GPRC5C: variants seen among roughly 807,000 people sequenced by gnomAD.
GPRC5C encodes G protein-coupled receptor class C group 5 member C, also known as G protein-coupled receptor family C group 5 member C.
GPRC5C carries 22 observed loss-of-function variants against 31.4 expected under a neutral mutation model. The ratio of observed to expected loss-of-function variants is 0.70; its 90% CI spans 0.50 to 1.00. The LOEUF is 1.00. GPRC5C is among the 50% of genes least tolerant of loss of function. The pLI is 0.00. For missense variants in GPRC5C, 557 were observed against 597.2 expected, an observed-to-expected ratio of 0.93 and a Z score of 0.70; for synonymous variants, 249 against 257.5, an observed-to-expected ratio of 0.97 and a Z score of 0.32.
intron 3 of GPRC5C, among the ~76,000 whole-genome samples, chr17:74,444,897 G>A (rs576707226): frequency 4.4e-4 from 67 of 152,250 alleles, no homozygotes; most frequent in Non-Finnish European, 6.8e-4. Flanking sequence ...TTATCTGACC[G>A]GTTCTCAAAA....
intron 3 of GPRC5C, among the ~76,000 whole-genome samples, chr17:74,444,601 C>T (rs2055597376): frequency 6.6e-6 from 1 of 152,190 alleles, no homozygotes; most frequent in Non-Finnish European, 1.5e-5. Context: ...GTGGCGTTCT[C>T]ATCCCCCTCC....
chr17:74,450,302 G>A (rs1265730608), downstream of GPRC5C: 2 of 152,280 alleles, frequency 1.3e-5, no homozygotes, highest in African/African-American at 2.4e-5. Flanking sequence ...ATGCAATAGG[G>A]GCCTGCTGTG....
At chr17:74,445,114 G>T (rs2055605841) in intron 3 of GPRC5C, 1 of 152,276 alleles carries the variant, frequency 6.6e-6, no homozygotes, top group African/African-American at 2.4e-5. Context: ...GCCAGGCATA[G>T]TGGCACATGC....
chr17:74,433,595 TAGG>T, intron 1 of GPRC5C: 1 of 865,998 alleles, frequency 1.2e-6, no homozygotes, highest in Non-Finnish European at 2.0e-6. Flanking sequence ...GAGAGACCGA[TAGG>T]AGTGGAGGCA....
At chr17:74,438,217 A>G (rs1274742031) in intron 1 of GPRC5C, among the ~76,000 whole-genome samples, 1 of 88,688 alleles carries the variant, frequency 1.1e-5, no homozygotes, top group Non-Finnish European at 2.1e-5. Flanking sequence ...ATATATATAT[A>G]TATATATATA....
intron 1 of GPRC5C, among the ~76,000 whole-genome samples, chr17:74,438,265 T>G (rs1025610008): frequency 7.2e-6 from 1 of 138,520 alleles, no homozygotes. Flanking sequence ...GTTGTTGTTG[T>G]TGTTGTTTGT....
At chr17:74,442,722 A>G (rs980275286) in intron 2 of GPRC5C, among the ~76,000 whole-genome samples, 1 of 152,178 alleles carries the variant, frequency 6.6e-6, no homozygotes. Context: ...CCTGCTTTGG[A>G]GAAAGAGATG....
chr17:74,440,871 A>G lies in GPRC5C; in HGVS notation c.1051+44A>G, dbSNP rs369858958. The G allele has an allele frequency of 2.0e-5, 28 of 1,425,578 alleles. No homozygotes were observed. The highest frequency in any genetic ancestry group is 2.9e-5 in the African/African-American group (2 of 69,586). 88.3% of individuals were successfully genotyped at this position (1,425,578 alleles called of 1,614,324 possible). ...CCCCAGTGGCCCCTTTCTCCATCCCATGTCTTTTACTGCAGGACAGGGAGC... is the reference window on the plus strand; with the variant it reads ...CCCCAGTGGCCCCTTTCTCCATCCCGTGTCTTTTACTGCAGGACAGGGAGC... On this transcript the variant is annotated intron_variant, in intron 2 of 3. Coordinates refer to ENST00000392627, the MANE Select transcript of GPRC5C (RefSeq NM_022036.4). The surrounding 1 kb of genome is among the most constrained non-coding windows in gnomAD (Gnocchi z 4.4).
Position 74,445,993 on chromosome 17 carries a change from C to CCG in GPRC5C, c.1147-855_1147-854insGC, listed in dbSNP as rs57897113. The CCG allele has an allele frequency of 6.5e-5, 6 of 92,544 alleles. 2 individuals are homozygous for CCG. The highest frequency in any genetic ancestry group is 4.1e-4 in the African/African-American group (6 of 14,742). 5.7% of individuals were successfully genotyped at this position (92,544 alleles called of 1,614,324 possible). ...TGGCAACGTAGTGAGACCCCCCCCC[C>CCG]CCGCCCACCATCTCTACAAAAAAAA... On this transcript the variant is annotated intron_variant, in intron 3 of 3. Coordinates refer to ENST00000392627, the MANE Select transcript of GPRC5C (RefSeq NM_022036.4).
downstream of GPRC5C, chr17:74,449,191 A>G (rs2055685434): frequency 5.0e-6 from 2 of 401,928 alleles, no homozygotes; most frequent in Non-Finnish European, 9.6e-6. Flanking sequence ...GGGAAGAAAA[A>G]ATAAACTTCT....
At chr17:74,442,579 T>C (rs1178599332) in intron 2 of GPRC5C, among the ~76,000 whole-genome samples, 1 of 152,156 alleles carries the variant, frequency 6.6e-6, no homozygotes, top group African/African-American at 2.4e-5. Context: ...CCTGGGGGCT[T>C]CAGACTTTCT....
At chr17:74,441,328 T>C (rs1028031339) in intron 2 of GPRC5C, among the ~76,000 whole-genome samples, 1 of 152,144 alleles carries the variant, frequency 6.6e-6, no homozygotes, top group Non-Finnish European at 1.5e-5. Context: ...AATTCATGCA[T>C]ACATTCTCAC....
chr17:74,444,363 C>G (rs2055593227), intron 3 of GPRC5C, among the ~76,000 whole-genome samples: 1 of 152,210 alleles, frequency 6.6e-6, no homozygotes, highest in South Asian at 2.1e-4. Flanking sequence ...GGGGCCCACA[C>G]TCTCCTCCCT....
At chr17:74,437,815 AAGAG>A (rs1024761856) in intron 1 of GPRC5C, among the ~76,000 whole-genome samples, 3 of 152,012 alleles carry the variant, frequency 2.0e-5, no homozygotes, top group African/African-American at 7.3e-5. Flanking sequence ...AGCCTCACAG[AAGAG>A]AGTTAGATAA....
Position 74,447,090 on chromosome 17 carries a change from C to T in GPRC5C, c.*62C>T. On this transcript the variant is annotated 3_prime_UTR_variant, in exon 4 of 4. Coordinates refer to ENST00000392627, the MANE Select transcript of GPRC5C (RefSeq NM_022036.4). ...AGGGCCCTGAGGACCTGGCCCCGGG[C>T]AAGGGACTCTCCAGGCTCCTCCTCC... 6.4e-7 allele frequency: 1 copy of T among 1,558,418 alleles called. No individual in the cohort carries two copies. Among genetic ancestry groups the T allele is most frequent in the Non-Finnish European group, 8.7e-7 (1 of 1,147,806 alleles).
intron 1 of GPRC5C, among the ~76,000 whole-genome samples, chr17:74,438,285 G>C (rs1242783018): frequency 7.3e-6 from 1 of 137,620 alleles, no homozygotes; most frequent in African/African-American, 2.8e-5. Flanking sequence ...TTTTCATACA[G>C]AGTCTCACTC....
downstream of GPRC5C, among the ~76,000 whole-genome samples, chr17:74,448,622 G>A (rs1232896068): frequency 1.3e-5 from 2 of 152,088 alleles, no homozygotes; most frequent in South Asian, 2.1e-4. Context: ...CAAGTGATCT[G>A]CCCACCTCAG....
intron 3 of GPRC5C, chr17:74,445,991 C>T (rs867371361): frequency 1.6e-4 from 9 of 56,202 alleles, no homozygotes; most frequent in African/African-American, 7.7e-4. Flanking sequence ...AGACCCCCCC[C>T]CCCCGCCCAC....
chr17:74,447,037 T>G lies in GPRC5C; in HGVS notation c.*9T>G. On this transcript the variant is annotated 3_prime_UTR_variant, in exon 4 of 4. Transcript: ENST00000392627. The stretch of plus-strand genomic sequence containing the variant: ...CCTACGTGTGGGACTGAGTCAGCGG[T>G]GGCGAGGAGAGGCGGGCGGATTTGG... The G allele has an allele frequency of 6.2e-7, 1 of 1,604,138 alleles. No homozygotes were observed. The highest frequency in any genetic ancestry group is 8.5e-7 in the Non-Finnish European group (1 of 1,171,862).
Sources: gnomAD v4.1 joint callset for allele counts (sites outside exome capture counted in the v4.1 genomes callset) on GRCh38, gnomAD v4.1.1 for gene constraint, Gnocchi (gnomAD v3.1) non-coding constraint, MANE v1.5 for transcripts, NCBI Gene and HGNC (gene_info 2026-07-23, HGNC 2026-07-21) for gene names.